QTMAN: variants seen among roughly 807,000 people sequenced by gnomAD.
QTMAN encodes the protein queuosine-tRNA mannosyltransferase.
chr2:144,051,866 T>TG, the QTMAN span, among the ~76,000 whole-genome samples: 2 of 152,334 alleles, frequency 1.3e-5, no homozygotes, highest in Middle Eastern at 6.8e-3. Context: ...ACCATGCTGG[T>TG]GCTAGAGCAG....
the QTMAN span, among the ~76,000 whole-genome samples, chr2:144,318,666 G>A: frequency 1.3e-5 from 2 of 152,150 alleles, no homozygotes; most frequent in East Asian, 3.9e-4. Flanking sequence ...ATGCAGTGGT[G>A]GCAGTGGCAC....
At chr2:144,019,442 G>GTGTGTGTGTA in the QTMAN span, among the ~76,000 whole-genome samples, 1 of 109,324 alleles carries the variant, frequency 9.1e-6, no homozygotes, top group African/African-American at 4.7e-5. Flanking sequence ...GCAGGTGTGT[G>GTGTGTGTGTA]TGTGTGTGTG....
chr2:143,993,976 C>T, the QTMAN span, among the ~76,000 whole-genome samples: 1 of 152,094 alleles, frequency 6.6e-6, no homozygotes, highest in Non-Finnish European at 1.5e-5. Flanking sequence ...AGGCCATATA[C>T]CCATCTCTCT....
chr2:144,320,766 T>C, the QTMAN span, among the ~76,000 whole-genome samples: 1 of 152,188 alleles, frequency 6.6e-6, no homozygotes, highest in South Asian at 2.1e-4. Context: ...CAGCTGATCA[T>C]CAGTTCTATG....
At chr2:144,306,631 G>T in the QTMAN span, among the ~76,000 whole-genome samples, 1 of 151,728 alleles carries the variant, frequency 6.6e-6, no homozygotes, top group Non-Finnish European at 1.5e-5. Context: ...AAATTTTGAG[G>T]GAACACACAC....
the QTMAN span, among the ~76,000 whole-genome samples, chr2:144,002,668 T>A: frequency 6.6e-6 from 1 of 151,964 alleles, no homozygotes; most frequent in East Asian, 1.9e-4. Context: ...TGAACCTGTG[T>A]TTCCCAAATC....
At chr2:144,188,957 A>T in the QTMAN span, among the ~76,000 whole-genome samples, 272 of 152,320 alleles carry the variant, frequency 1.8e-3, 4 homozygotes, top group African/African-American at 6.2e-3. Flanking sequence ...AAACAAGAGG[A>T]AAGGAAATAG....
the QTMAN span, among the ~76,000 whole-genome samples, chr2:143,984,204 T>C: frequency 6.6e-6 from 1 of 152,202 alleles, no homozygotes; most frequent in Non-Finnish European, 1.5e-5. Flanking sequence ...TATTTTCCCC[T>C]TCTCTTAGGA....
chr2:144,100,566 G>A, the QTMAN span, among the ~76,000 whole-genome samples: 1 of 152,100 alleles, frequency 6.6e-6, no homozygotes, highest in African/African-American at 2.4e-5. Flanking sequence ...CCTTATACAG[G>A]AAGTTCCTGA....
At chr2:144,173,683 T>A in the QTMAN span, among the ~76,000 whole-genome samples, 7 of 152,312 alleles carry the variant, frequency 4.6e-5, no homozygotes, top group East Asian at 3.9e-4. Flanking sequence ...TTTCCTTTGT[T>A]ACAATTTGGA....
the QTMAN span, among the ~76,000 whole-genome samples, chr2:144,213,758 A>C: frequency 6.6e-6 from 1 of 152,216 alleles, no homozygotes; most frequent in Non-Finnish European, 1.5e-5. Context: ...TTGGAAACTT[A>C]AGCTTGTTAA....
the QTMAN span, among the ~76,000 whole-genome samples, chr2:144,171,746 A>G: frequency 6.6e-6 from 1 of 152,178 alleles, no homozygotes; most frequent in Non-Finnish European, 1.5e-5. Context: ...TGATAAAGGT[A>G]GCACCAAACT....
At chr2:144,324,982 C>A in the QTMAN span, among the ~76,000 whole-genome samples, 20 of 152,188 alleles carry the variant, frequency 1.3e-4, no homozygotes, top group African/African-American at 4.8e-4. Flanking sequence ...AGCAGATAAT[C>A]ATTCTCCTAA....
chr2:144,267,903 T>G, the QTMAN span, among the ~76,000 whole-genome samples: 1 of 152,316 alleles, frequency 6.6e-6, no homozygotes, highest in South Asian at 2.1e-4. Context: ...TGTTTCTGTC[T>G]CCCAAAATTC....
At chr2:144,097,540 C>T in the QTMAN span, among the ~76,000 whole-genome samples, 1 of 152,024 alleles carries the variant, frequency 6.6e-6, no homozygotes, top group Admixed American at 6.6e-5. Flanking sequence ...CAAACCTATT[C>T]GGAATTCCTC....
the QTMAN span, among the ~76,000 whole-genome samples, chr2:144,073,289 T>TA: frequency 6.6e-6 from 1 of 150,712 alleles, no homozygotes; most frequent in African/African-American, 2.4e-5. Context: ...TTCTGTAAAC[T>TA]GAATATCCTG....
chr2:143,982,463 C>T, the QTMAN span, among the ~76,000 whole-genome samples: 1 of 151,670 alleles, frequency 6.6e-6, no homozygotes, highest in African/African-American at 2.4e-5. Context: ...AACTCCTGAC[C>T]ACCTCAGGTG....
the QTMAN span, among the ~76,000 whole-genome samples, chr2:144,064,191 C>T: frequency 2.0e-5 from 3 of 152,060 alleles, no homozygotes; most frequent in Admixed American, 6.5e-5. Flanking sequence ...AAAATAAAAA[C>T]AGACACATTT....
At chr2:144,268,892 C>T in the QTMAN span, among the ~76,000 whole-genome samples, 6 of 152,220 alleles carry the variant, frequency 3.9e-5, no homozygotes, top group Middle Eastern at 3.4e-3. Flanking sequence ...CAGGTTCAAG[C>T]GATCCTTCTG....
Sources: gnomAD v4.1 joint callset for allele counts (sites outside exome capture counted in the v4.1 genomes callset) on GRCh38, gnomAD v4.1.1 for gene constraint, MANE v1.5 for transcripts, NCBI Gene and HGNC (gene_info 2026-07-23, HGNC 2026-07-21) for gene names.